The following BLTP2 variants were observed in gnomAD, a reference collection of about 807,000 sequenced individuals.
BLTP2 encodes the protein bridge-like lipid transfer protein family member 2, also known as U937-associated antigen.
the BLTP2 span, chr17:28,619,662 G>C: frequency 6.2e-7 from 1 of 1,613,730 alleles, no homozygotes; most frequent in Non-Finnish European, 8.5e-7. Flanking sequence ...ACCTGATGAG[G>C]ATATTCAGTT....
At chr17:28,639,957 C>T in the BLTP2 span, 7 of 1,613,984 alleles carry the variant, frequency 4.3e-6, no homozygotes, top group Non-Finnish European at 5.9e-6. Flanking sequence ...TGTGAAGCTT[C>T]GAAGGGGCAG....
At chr17:28,640,814 C>T in the BLTP2 span, 1 of 794,362 alleles carries the variant, frequency 1.3e-6, no homozygotes. Context: ...CTGGATGGAC[C>T]ATAAGGCGAA....
the BLTP2 span, chr17:28,620,380 A>T: frequency 5.5e-6 from 6 of 1,081,842 alleles, no homozygotes; most frequent in Non-Finnish European, 8.0e-6. Context: ...CTGCCGACTA[A>T]GAGAATCTAC....
chr17:28,628,267 C>G, the BLTP2 span: 2 of 1,613,650 alleles, frequency 1.2e-6, no homozygotes, highest in Non-Finnish European at 1.7e-6. Flanking sequence ...GAGCTTACCT[C>G]CTGATGACCC....
At chr17:28,638,380 G>A in the BLTP2 span, 7 of 1,614,046 alleles carry the variant, frequency 4.3e-6, no homozygotes, top group African/African-American at 2.7e-5. Flanking sequence ...AGGACGCCCC[G>A]CTGATGGATG....
At chr17:28,644,029 A>G in the BLTP2 span, 5 of 1,612,020 alleles carry the variant, frequency 3.1e-6, no homozygotes, top group Non-Finnish European at 4.2e-6. Flanking sequence ...TCAACCCTAC[A>G]CACATATCCA....
chr17:28,634,562 T>G, the BLTP2 span: 3 of 1,614,074 alleles, frequency 1.9e-6, no homozygotes, highest in Non-Finnish European at 2.5e-6. Flanking sequence ...CACCACTGAA[T>G]GACAAGATCT....
At chr17:28,624,290 G>A in the BLTP2 span, 1 of 1,614,180 alleles carries the variant, frequency 6.2e-7, no homozygotes. Context: ...CCGTCTGGCA[G>A]GCAGCAATGC....
the BLTP2 span, chr17:28,619,519 G>A: frequency 1.2e-5 from 12 of 1,033,246 alleles, no homozygotes; most frequent in Non-Finnish European, 1.7e-5. Context: ...TATTCAGGAA[G>A]AGATGTCTGA....
chr17:28,640,487 G>A, the BLTP2 span: 4 of 1,492,962 alleles, frequency 2.7e-6, no homozygotes, highest in African/African-American at 2.8e-5. Context: ...GCAAATACTA[G>A]GCTGGTTACA....
At chr17:28,639,627 GACA>G in the BLTP2 span, 6 of 1,614,012 alleles carry the variant, frequency 3.7e-6, no homozygotes, top group African/African-American at 2.7e-5. Flanking sequence ...GCGACTCTGG[GACA>G]ACAACAACCC....
At chr17:28,620,164 A>G in the BLTP2 span, 1 of 721,998 alleles carries the variant, frequency 1.4e-6, no homozygotes. Context: ...GTAGTAGGTC[A>G]ATGCAGAAAA....
the BLTP2 span, chr17:28,640,386 C>T: frequency 7.7e-6 from 5 of 651,248 alleles, no homozygotes; most frequent in South Asian, 2.0e-5. Context: ...GAGCAAGACT[C>T]CGTCTCAAAA....
chr17:28,643,559 C>A, the BLTP2 span: 1 of 1,565,042 alleles, frequency 6.4e-7, no homozygotes, highest in Non-Finnish European at 8.8e-7. Context: ...TCTGCAAACA[C>A]CAACTCCAAA....
chr17:28,627,724 C>A, the BLTP2 span, among the ~76,000 whole-genome samples: 1 of 151,792 alleles, frequency 6.6e-6, no homozygotes, highest in African/African-American at 2.4e-5. Flanking sequence ...GAGATGGAGT[C>A]CTGCTCTATC....
At chr17:28,635,426 C>T in the BLTP2 span, 2 of 1,614,130 alleles carry the variant, frequency 1.2e-6, no homozygotes, top group Non-Finnish European at 1.7e-6. Context: ...GGTAATGGCT[C>T]AGGGGCACGG....
the BLTP2 span, chr17:28,621,487 G>T: frequency 6.2e-7 from 1 of 1,613,792 alleles, no homozygotes; most frequent in Middle Eastern, 1.6e-4. Context: ...GGTGCTCCTC[G>T]ATATTCTTCA....
the BLTP2 span, chr17:28,643,627 G>C: frequency 6.2e-7 from 1 of 1,614,078 alleles, no homozygotes; most frequent in Non-Finnish European, 8.5e-7. Context: ...CATGGCTAAG[G>C]AGTTTGCTGG....
At chr17:28,637,142 T>C in the BLTP2 span, 39 of 1,614,034 alleles carry the variant, frequency 2.4e-5, no homozygotes, top group African/African-American at 4.9e-4. Flanking sequence ...CCAGGATAGT[T>C]AGGGTGTCCA....
Sources: allele counts gnomAD v4.1 joint callset (sites outside exome capture counted in the v4.1 genomes callset), GRCh38; gene constraint gnomAD v4.1.1; transcripts MANE v1.5; gene names NCBI Gene and HGNC (gene_info 2026-07-23, HGNC 2026-07-21).